SNX13: variants seen among roughly 807,000 people sequenced by gnomAD.
The protein encoded by SNX13 is sorting nexin 13.
Under a neutral mutation model 133.6 loss-of-function variants are expected in SNX13, and 45 were observed. The observed-to-expected ratio is 0.34, with a 90% CI of 0.27 to 0.43. The LOEUF (loss-of-function observed/expected upper bound fraction) is 0.43, where lower values mean the gene tolerates loss of function less well. SNX13 is among the 20% of genes least tolerant of loss of function. The pLI is 1.00. For synonymous variants in SNX13, 414 were observed against 373.9 expected, an observed-to-expected ratio of 1.11 and a Z score of -1.24; for missense variants, 1,032 against 1,145.1, an observed-to-expected ratio of 0.90 and a Z score of 1.43.
Position 17,829,266 on chromosome 7 carries a change from C to T in SNX13, c.1635+744G>A, listed in dbSNP as rs116413400. The stretch of plus-strand genomic sequence containing the variant: ...AACAAACAACACCTTACCTGTTTTT[C>T]CCCTCCCCAACCCAGCCAAACTGGA... On this transcript the variant is annotated intron_variant, in intron 16 of 25. Coordinates refer to ENST00000428135, the MANE Select transcript of SNX13 (RefSeq NM_015132.5). 2.5e-3 allele frequency among the ~76,000 whole-genome samples: 384 copies of T among 151,518 alleles called. 1 individual carries two copies. The highest frequency in any genetic ancestry group is 8.8e-3 in the African/African-American group (367 of 41,480).
At chr7:17,846,746 G>C (rs1053806275) in intron 11 of SNX13, among the ~76,000 whole-genome samples, 27 of 151,878 alleles carry the variant, frequency 1.8e-4, no homozygotes, top group African/African-American at 6.3e-4. Context: ...ACTGACTTTA[G>C]ATGTCTGGTA....
intron 22 of SNX13, among the ~76,000 whole-genome samples, chr7:17,800,571 T>A (rs1784506764): frequency 6.6e-6 from 1 of 151,824 alleles, no homozygotes; most frequent in African/African-American, 2.4e-5. Flanking sequence ...TTATAGGACA[T>A]CTCTGTGACC....
chr7:17,891,762 G>T, intron 3 of SNX13, 127 bp from the exon 4 acceptor site: 1 of 584,164 alleles, frequency 1.7e-6, no homozygotes, highest in South Asian at 2.4e-5. Context: ...CCTTATTTGA[G>T]GTGCTACTCT....
At chr7:17,912,833 G>C (rs1799138023) in intron 1 of SNX13, among the ~76,000 whole-genome samples, 1 of 152,118 alleles carries the variant, frequency 6.6e-6, no homozygotes, top group Admixed American at 6.5e-5. Flanking sequence ...CCCTGGAGTG[G>C]GGAAAGGACC....
intron 9 of SNX13, among the ~76,000 whole-genome samples, chr7:17,854,359 G>T (rs554780364): frequency 1.3e-5 from 2 of 152,074 alleles, no homozygotes; most frequent in Non-Finnish European, 2.9e-5. Context: ...AAATAATAAT[G>T]GTTATAGGAA....
chr7:17,903,716 C>G lies in SNX13; in HGVS notation c.13-6270G>C, dbSNP rs562897950. On this transcript the variant is annotated intron_variant, in intron 1 of 25. Transcript: ENST00000428135. Reference sequence around the variant, plus strand: ...ACTAAACAAATCTTGACTCTTTAACCCATAAAATTTGTCAGCTGACAATTG... The same window carrying G: ...ACTAAACAAATCTTGACTCTTTAACGCATAAAATTTGTCAGCTGACAATTG... 1.4e-4 allele frequency among the ~76,000 whole-genome samples: 21 copies of G among 152,182 alleles called. No individual in the cohort carries two copies. The South Asian group carries it at 4.1e-3, about 30-fold the overall frequency.
intron 1 of SNX13, among the ~76,000 whole-genome samples, chr7:17,938,152 TA>T (rs1802325561): frequency 6.6e-6 from 1 of 152,208 alleles, no homozygotes; most frequent in Non-Finnish European, 1.5e-5. Flanking sequence ...AAGCCTTGTT[TA>T]AAAAATGAAA....
Position 17,834,849 on chromosome 7 carries a change from G to A in SNX13, c.1376C>T (p.Thr459Ile). The A allele has an allele frequency of 8.1e-6, 13 of 1,604,796 alleles. No individual in the cohort carries two copies. Among genetic ancestry groups the A allele is most frequent in the Non-Finnish European group, 2.6e-6 (3 of 1,173,344 alleles). The change falls in exon 14 of 26, where the codon ACT becomes ATT. Residue 459 changes from threonine (T) to isoleucine (I), a missense_variant. Coordinates refer to ENST00000428135, the MANE Select transcript of SNX13 (RefSeq NM_015132.5). Reference sequence around the variant, plus strand: ...TTTTGCTACTAAATAGTCATCAACAGTAACTCTTGGAGATGCCTAACAGAG... The same window carrying A: ...TTTTGCTACTAAATAGTCATCAACAATAACTCTTGGAGATGCCTAACAGAG... ...YLSEKASPRV[T>I]VDDYLVAKLA... is the part of the protein sequence containing the mutation.
chr7:17,905,234 T>G (rs1362121714), intron 1 of SNX13, among the ~76,000 whole-genome samples: 8 of 152,210 alleles, frequency 5.3e-5, no homozygotes, highest in Non-Finnish European at 1.2e-4. Flanking sequence ...TATGAGTACA[T>G]TTAATATAAA....
At chr7:17,808,059 G>C (rs115666387) in intron 20 of SNX13, among the ~76,000 whole-genome samples, 12,646 of 152,178 alleles carry the variant, frequency 0.083, 580 homozygotes, top group South Asian at 0.15. Context: ...TCCTCCAAAG[G>C]ATCACAACTC....
In SNX13 at chr7:17,791,967, G is replaced by GCA. The variant is rs1783590139; in HGVS notation, c.*2077_*2078insTG. On this transcript the variant is annotated 3_prime_UTR_variant, in exon 26 of 26. Coordinates refer to ENST00000428135, the MANE Select transcript of SNX13 (RefSeq NM_015132.5). ...AAATCCATTTACTCAAATAGTTTTTGGTATGATTGCAGTTATCTTGCAGGG... is the reference window on the plus strand; with the variant it reads ...AAATCCATTTACTCAAATAGTTTTTGCAGTATGATTGCAGTTATCTTGCAGGG... 6.6e-6 allele frequency: 1 copy of GCA among 151,994 alleles called. No individual in the cohort carries two copies. The highest frequency in any genetic ancestry group is 1.9e-4 in the East Asian group (1 of 5,190). The allele number at this position is 151,994 out of a possible 1,614,324, so 9.4% of individuals were successfully genotyped here.
At chr7:17,905,814 T>C (rs1334487106) in intron 1 of SNX13, among the ~76,000 whole-genome samples, 1 of 152,150 alleles carries the variant, frequency 6.6e-6, no homozygotes, top group Non-Finnish European at 1.5e-5. Flanking sequence ...ACAGATTTTG[T>C]CTGTTTAAAA....
At chr7:17,832,523 T>C (rs1332352737) in intron 15 of SNX13, 3 of 973,462 alleles carry the variant, frequency 3.1e-6, no homozygotes, top group Middle Eastern at 5.3e-4. Flanking sequence ...ATAAAATTAG[T>C]ATAAACAACA....
intron 5 of SNX13, chr7:17,888,545 GACTAACC>G: frequency 2.8e-6 from 1 of 359,894 alleles, no homozygotes; most frequent in South Asian, 2.2e-5. Context: ...GATAACATTA[GACTAACC>G]ACTTTACCTT....
chr7:17,818,006 C>T lies in SNX13; in HGVS notation c.1846-1717G>A, dbSNP rs556171578. ...GTTTAAATGAGCCCCTTAGGGTGGG[C>T]CCCAACCCAACCTGACTGGTATCCT... On this transcript the variant is annotated intron_variant, in intron 18 of 25. Transcript: ENST00000428135. 1.2e-4 allele frequency among the ~76,000 whole-genome samples: 18 copies of T among 152,208 alleles called. No individual in the cohort carries two copies. In the South Asian group the frequency reaches 3.3e-3, roughly 28 times the overall value.
chr7:17,807,403 C>T (rs930908576), intron 20 of SNX13, among the ~76,000 whole-genome samples: 4 of 152,180 alleles, frequency 2.6e-5, no homozygotes, highest in Admixed American at 2.0e-4. Context: ...AGCAAAGCCA[C>T]TGTAGCCACA....
In SNX13 at chr7:17,885,353, A is replaced by G. The variant is rs1393655944; in HGVS notation, c.440+5010T>C. Among the ~76,000 whole-genome samples, 5 of 151,998 alleles carry G rather than the reference A, an allele frequency of 3.3e-5. No homozygotes were observed. In the East Asian group the frequency reaches 9.6e-4, roughly 29 times the overall value. ...TAGAGCTAGAAGCTTGGGGAAACGC[A>G]GAAGTGACTGACAATGGATATAAGG... On this transcript the variant is annotated intron_variant, in intron 5 of 25. Transcript: ENST00000428135.
chr7:17,796,186 G>C (rs1784031320), intron 25 of SNX13: 1 of 151,676 alleles, frequency 6.6e-6, no homozygotes, highest in Non-Finnish European at 1.5e-5. Context: ...CTGATTGAAA[G>C]AAGAAAAACG....
chr7:17,881,778 A>G (rs1795381088), intron 5 of SNX13: 1 of 152,172 alleles, frequency 6.6e-6, no homozygotes, highest in Admixed American at 6.5e-5. Context: ...CATCCTTCAG[A>G]GTCCTTGAAG....
Sources: gnomAD v4.1 joint callset for allele counts (sites outside exome capture counted in the v4.1 genomes callset) on GRCh38, gnomAD v4.1.1 for gene constraint, MANE v1.5 for transcripts, NCBI Gene and HGNC (gene_info 2026-07-23, HGNC 2026-07-21) for gene names.